Variants in SLCO3A1 observed in about 807,000 individuals in gnomAD.
SLCO3A1 encodes the protein solute carrier organic anion transporter family member 3A1.
SLCO3A1 carries 27 observed loss-of-function variants against 63.1 expected under a neutral mutation model. That is an observed-to-expected ratio of 0.43 (90% CI 0.32 to 0.59). SLCO3A1 has a LOEUF of 0.59. Ranked by LOEUF, SLCO3A1 falls within the 20% of genes least tolerant of loss-of-function variation. SLCO3A1 has a pLI of 0.09. For synonymous variants in SLCO3A1, 473 were observed against 409.9 expected (o/e 1.15, Z -1.86); for missense variants, 773 against 945.8 (o/e 0.82, Z 2.40).
intron 1 of SLCO3A1, among the ~76,000 whole-genome samples, chr15:91,910,284 T>G (rs1244809209): frequency 6.6e-6 from 1 of 152,192 alleles, no homozygotes; most frequent in Non-Finnish European, 1.5e-5. Flanking sequence ...GCCAAATGAA[T>G]GTTGTTGCTC....
chr15:92,011,419 C>T (rs2046367194), intron 2 of SLCO3A1, among the ~76,000 whole-genome samples: 1 of 152,104 alleles, frequency 6.6e-6, no homozygotes, highest in African/African-American at 2.4e-5. Flanking sequence ...ACCTTACTGT[C>T]ACATGTATGG....
chr15:92,089,491 A>G (rs1199557315), intron 2 of SLCO3A1, among the ~76,000 whole-genome samples: 1 of 152,196 alleles, frequency 6.6e-6, no homozygotes, highest in African/African-American at 2.4e-5. Flanking sequence ...TTCAAACTCC[A>G]CAAGGGTGAG....
intron 2 of SLCO3A1, among the ~76,000 whole-genome samples, chr15:92,013,817 G>A (rs1189227727): frequency 6.6e-6 from 1 of 152,168 alleles, no homozygotes; most frequent in Non-Finnish European, 1.5e-5. Context: ...GCGCCATGCA[G>A]TTCAGTGACT....
intron 9 of SLCO3A1, chr15:92,161,878 G>C: frequency 6.9e-6 from 1 of 144,312 alleles, no homozygotes; most frequent in Non-Finnish European, 1.5e-5. Flanking sequence ...GCGCTTTGCA[G>C]TTTCCTCTGT....
At chr15:91,961,421 G>C (rs1900440950) in intron 2 of SLCO3A1, among the ~76,000 whole-genome samples, 1 of 152,252 alleles carries the variant, frequency 6.6e-6, no homozygotes, top group African/African-American at 2.4e-5. Context: ...GGGAAGAATG[G>C]TGGGGCAGAA....
intron 2 of SLCO3A1, among the ~76,000 whole-genome samples, chr15:91,992,634 A>T (rs974809626): frequency 1.3e-5 from 2 of 152,208 alleles, no homozygotes; most frequent in African/African-American, 4.8e-5. Flanking sequence ...TTGCCCAGTA[A>T]CAGTCAAGAT....
intron 1 of SLCO3A1, among the ~76,000 whole-genome samples, chr15:91,910,762 G>A (rs540957674): frequency 2.0e-5 from 3 of 152,248 alleles, no homozygotes; most frequent in East Asian, 3.9e-4. Context: ...ACATGCACAC[G>A]CCTCTACCTG....
At chr15:92,131,192 T>A (rs1047796017) in intron 7 of SLCO3A1, among the ~76,000 whole-genome samples, 2 of 152,066 alleles carry the variant, frequency 1.3e-5, no homozygotes, top group Non-Finnish European at 2.9e-5. Context: ...CAATGTCGAG[T>A]ACACATGGAC....
At chr15:92,070,166 C>T (rs892786704) in intron 2 of SLCO3A1, among the ~76,000 whole-genome samples, 6 of 152,198 alleles carry the variant, frequency 3.9e-5, no homozygotes, top group African/African-American at 7.2e-5. Flanking sequence ...CTGAGCATCT[C>T]GAAGTTTCCT....
intron 1 of SLCO3A1, among the ~76,000 whole-genome samples, chr15:91,889,372 T>C (rs1897814032): frequency 6.6e-6 from 1 of 152,176 alleles, no homozygotes. Flanking sequence ...TTTCCCTGGG[T>C]CTCTGGTCCA....
At chr15:92,139,891 C>T (rs868066238) in intron 7 of SLCO3A1, among the ~76,000 whole-genome samples, 143 of 144,376 alleles carry the variant, frequency 9.9e-4, no homozygotes, top group Middle Eastern at 3.5e-3. Flanking sequence ...GTCTTGCTAG[C>T]GGTCTATCAA....
intron 2 of SLCO3A1, among the ~76,000 whole-genome samples, chr15:91,999,327 T>C (rs1191654879): frequency 1.3e-5 from 2 of 152,084 alleles, no homozygotes; most frequent in African/African-American, 2.4e-5. Flanking sequence ...AAGACACATA[T>C]GGACAGAAGA....
At chr15:91,981,482 A>G (rs1415835547) in intron 2 of SLCO3A1, among the ~76,000 whole-genome samples, 1 of 151,866 alleles carries the variant, frequency 6.6e-6, no homozygotes, top group African/African-American at 2.4e-5. Flanking sequence ...ACGTTTTCCC[A>G]CCTCATGGCT....
intron 2 of SLCO3A1, among the ~76,000 whole-genome samples, chr15:91,970,257 G>A (rs1309693908): frequency 6.6e-6 from 1 of 152,212 alleles, no homozygotes; most frequent in African/African-American, 2.4e-5. Context: ...TTTAAAATCT[G>A]GCCAGAGCAC....
chr15:92,163,903 C>T lies in SLCO3A1; in HGVS notation c.*768C>T. On this transcript the variant is annotated 3_prime_UTR_variant, in exon 10 of 10. Coordinates refer to ENST00000318445, the MANE Select transcript of SLCO3A1 (RefSeq NM_013272.4). ...CTCCCAGTGGCGGGCATCCACCTTCCCCCAGCCCCACAGAGTGACCTCAGG... is the reference window on the plus strand; with the variant it reads ...CTCCCAGTGGCGGGCATCCACCTTCTCCCAGCCCCACAGAGTGACCTCAGG... 2 of 985,620 alleles carry T rather than the reference C, an allele frequency of 2.0e-6. No homozygotes were observed. Among genetic ancestry groups the T allele is most frequent in the Non-Finnish European group, 2.4e-6 (2 of 830,060 alleles). The allele number at this position is 985,620 out of a possible 1,614,324, so 61.1% of individuals were successfully genotyped here.
At chr15:92,045,717 A>AT (rs1054133762) in intron 2 of SLCO3A1, among the ~76,000 whole-genome samples, 3 of 152,146 alleles carry the variant, frequency 2.0e-5, no homozygotes, top group African/African-American at 7.2e-5. Flanking sequence ...ATGATTTAGA[A>AT]TTTTTTGTAA....
chr15:91,889,162 T>C (rs566066638), intron 1 of SLCO3A1: 66 of 1,287,578 alleles, frequency 5.1e-5, no homozygotes, highest in Non-Finnish European at 6.3e-5. Context: ...TATTGTTCCT[T>C]GACTGATGTC....
chr15:91,936,925 T>C (rs1364841727), intron 2 of SLCO3A1, among the ~76,000 whole-genome samples: 1 of 152,222 alleles, frequency 6.6e-6, no homozygotes, highest in Non-Finnish European at 1.5e-5. Flanking sequence ...TCACTGTGAT[T>C]ATGGGGCACA....
At chr15:91,980,650 T>C (rs1344485941) in intron 2 of SLCO3A1, among the ~76,000 whole-genome samples, 1 of 152,116 alleles carries the variant, frequency 6.6e-6, no homozygotes, top group African/African-American at 2.4e-5. Flanking sequence ...TGCAGTTTTC[T>C]CCCTCACACC....
Sources: allele counts gnomAD v4.1 joint callset (sites outside exome capture counted in the v4.1 genomes callset), GRCh38; gene constraint gnomAD v4.1.1; transcripts MANE v1.5; gene names NCBI Gene and HGNC (gene_info 2026-07-23, HGNC 2026-07-21).